TMEM229B: variants seen among roughly 807,000 people sequenced by gnomAD.
TMEM229B encodes the protein chromosome 14 open reading frame 83.
A neutral mutation model predicts 13.7 loss-of-function variants in TMEM229B; 6 were observed. The ratio of observed to expected loss-of-function variants is 0.44; its 90% confidence interval spans 0.24 to 0.86. The LOEUF (loss-of-function observed/expected upper bound fraction) is 0.86, where lower values mean the gene tolerates loss of function less well. Ranked by LOEUF, TMEM229B falls within the 40% of genes least tolerant of loss-of-function variation. TMEM229B has a pLI of 0.23. For missense variants in TMEM229B, 170 were observed against 236.0 expected (o/e 0.72, Z 1.83); for synonymous variants, 107 against 102.1 (o/e 1.05, Z -0.29).
chr14:67,508,757 A>AAAAAAAAAAAAAAAAAAAAAAC (rs1269386811), intron 1 of TMEM229B, among the ~76,000 whole-genome samples: 1 of 149,154 alleles, frequency 6.7e-6, no homozygotes, highest in African/African-American at 2.4e-5. Context: ...TTGTCTCAAA[A>AAAAAAAAAAAAAAAAAAAAAAC]AAAAAAAAAA....
intron 1 of TMEM229B, among the ~76,000 whole-genome samples, chr14:67,531,905 A>T (rs961587704): frequency 8.6e-6 from 1 of 116,526 alleles, no homozygotes; most frequent in Admixed American, 8.6e-5. Context: ...AGAAGAACCT[A>T]TGTCCAAAAA....
intron 1 of TMEM229B, among the ~76,000 whole-genome samples, chr14:67,498,257 G>A (rs1244403752): frequency 3.3e-5 from 5 of 152,086 alleles, no homozygotes; most frequent in East Asian, 3.9e-4. Context: ...TTGCCAAGAC[G>A]TTCTATAAGC....
At chr14:67,509,370 G>A (rs2032949950) in intron 1 of TMEM229B, among the ~76,000 whole-genome samples, 1 of 151,760 alleles carries the variant, frequency 6.6e-6, no homozygotes, top group Admixed American at 6.6e-5. Context: ...CCAAGCTGGA[G>A]TGCAATGGCA....
intron 2 of TMEM229B, among the ~76,000 whole-genome samples, chr14:67,475,063 A>G (rs914386381): frequency 1.3e-5 from 2 of 151,760 alleles, no homozygotes; most frequent in African/African-American, 4.9e-5. Flanking sequence ...CTACAGGCAC[A>G]CACCATCATG....
chr14:67,509,839 A>G (rs772006762), intron 1 of TMEM229B, among the ~76,000 whole-genome samples: 1 of 151,678 alleles, frequency 6.6e-6, no homozygotes, highest in East Asian at 1.9e-4. Context: ...AGTTATAAAG[A>G]CTCTGTCTCC....
rs71129826 is a variant in TMEM229B, at chr14:67,501,044, TTAATAATAATAA to T, written c.-191-13884_-191-13873del. Among the ~76,000 whole-genome samples, 1,190 of 137,362 alleles carry T rather than the reference TTAATAATAATAA, an allele frequency of 8.7e-3. 22 individuals are homozygous for T. The East Asian group carries it at 0.093, about 11-fold the overall frequency. The allele number at this position is 137,362 out of a possible 152,430, so 90.1% of individuals were successfully genotyped here. A position where few individuals can be genotyped will look rare whatever the true frequency, so the allele number is the denominator to read the frequency against. Reference sequence around the variant, plus strand: ...AAATGCCTCCAGGTATACTTGGGGGTTAATAATAATAATAATAATAATAATAATAATAATAAT... The same window carrying T: ...AAATGCCTCCAGGTATACTTGGGGGTTAATAATAATAATAATAATAATAAT... On this transcript the variant is annotated intron_variant, in intron 1 of 2. Coordinates refer to the TMEM229B transcript ENST00000357461.
intron 2 of TMEM229B, among the ~76,000 whole-genome samples, chr14:67,485,064 A>G (rs1436339600): frequency 6.6e-6 from 1 of 152,236 alleles, no homozygotes; most frequent in Non-Finnish European, 1.5e-5. Context: ...ATTACCTTTA[A>G]TGCCTGTAAT....
intron 1 of TMEM229B, among the ~76,000 whole-genome samples, chr14:67,526,778 A>C (rs2033373616): frequency 6.6e-6 from 1 of 151,922 alleles, no homozygotes; most frequent in African/African-American, 2.4e-5. Context: ...GATGGTGCTG[A>C]GAGATAGTCT....
rs183132859 is a variant in TMEM229B, at chr14:67,496,981, A to T, written c.-191-9809T>A. Among the ~76,000 whole-genome samples the T allele has an allele frequency of 4.1e-4, 62 of 152,014 alleles. No individual in the cohort carries two copies. In the East Asian group the frequency reaches 0.012, roughly 29 times the overall value. ...CCTGGCTAATTTTTGTATTTTTAGTAGAGATGGGGTTTCACCATGTTGGCC... is the reference window on the plus strand; with the variant it reads ...CCTGGCTAATTTTTGTATTTTTAGTTGAGATGGGGTTTCACCATGTTGGCC... On this transcript the variant is annotated intron_variant, in intron 1 of 2. Coordinates refer to the TMEM229B transcript ENST00000357461.
At chr14:67,476,697 C>T (rs2031221129) in intron 2 of TMEM229B, among the ~76,000 whole-genome samples, 1 of 152,158 alleles carries the variant, frequency 6.6e-6, no homozygotes, top group African/African-American at 2.4e-5. Context: ...TTATTTACCC[C>T]ATATCCCAGG....
chr14:67,520,839 A>G (rs1169857888), intron 1 of TMEM229B, among the ~76,000 whole-genome samples: 2 of 152,258 alleles, frequency 1.3e-5, no homozygotes, highest in Non-Finnish European at 2.9e-5. Context: ...CAAGGAGCAC[A>G]ATTCCTGGAT....
At chr14:67,500,165 TA>T (rs1363856083) in intron 1 of TMEM229B, among the ~76,000 whole-genome samples, 1 of 151,856 alleles carries the variant, frequency 6.6e-6, no homozygotes, top group East Asian at 1.9e-4. Context: ...CCCTGTCTCT[TA>T]AAATAAATAA....
intron 1 of TMEM229B, among the ~76,000 whole-genome samples, chr14:67,514,900 C>A (rs1594718608): frequency 6.6e-6 from 1 of 152,218 alleles, no homozygotes; most frequent in Non-Finnish European, 1.5e-5. Flanking sequence ...GATCTCGAAC[C>A]GGGGCAGCAG....
At chr14:67,520,828 C>T (rs1390611137) in intron 1 of TMEM229B, among the ~76,000 whole-genome samples, 1 of 152,214 alleles carries the variant, frequency 6.6e-6, no homozygotes, top group Non-Finnish European at 1.5e-5. Flanking sequence ...TGGGCAAATA[C>T]CAAGGAGCAC....
At chr14:67,486,603 C>T (rs2031896968) in intron 2 of TMEM229B, among the ~76,000 whole-genome samples, 1 of 152,178 alleles carries the variant, frequency 6.6e-6, no homozygotes, top group African/African-American at 2.4e-5. Context: ...GAGAGTTTCC[C>T]TGCACAAGCT....
At chr14:67,530,466 G>A (rs1020580698) in intron 1 of TMEM229B, among the ~76,000 whole-genome samples, 2 of 152,162 alleles carry the variant, frequency 1.3e-5, no homozygotes, top group Admixed American at 1.3e-4. Context: ...TATTGACTCT[G>A]TAGGAATTTA....
chr14:67,477,187 C>T lies in TMEM229B; in HGVS notation c.-18-3246G>A, dbSNP rs548005709. 1.3e-3 allele frequency among the ~76,000 whole-genome samples: 196 copies of T among 151,346 alleles called. 1 individual carries two copies. The highest frequency in any genetic ancestry group is 2.2e-3 in the Non-Finnish European group (150 of 67,870). ...ATCTCAAAAAAAAAAAAAAAATGTT[C>T]GATATCTCCTTATTTCCTAATGAAA... On this transcript the variant is annotated intron_variant, in intron 2 of 2. Transcript: ENST00000554480.
intron 2 of TMEM229B, among the ~76,000 whole-genome samples, chr14:67,475,222 C>T (rs2031109807): frequency 6.6e-6 from 1 of 152,074 alleles, no homozygotes. Flanking sequence ...GCCAGAATTT[C>T]CTTCCTTTTA....
At chr14:67,493,825 T>A (rs142747690) in intron 1 of TMEM229B, among the ~76,000 whole-genome samples, 291 of 152,320 alleles carry the variant, frequency 1.9e-3, no homozygotes, top group African/African-American at 6.5e-3. Context: ...TATAAGGATG[T>A]CAGTCTGAAA....
Sources: allele counts gnomAD v4.1 joint callset (sites outside exome capture counted in the v4.1 genomes callset), GRCh38; gene constraint gnomAD v4.1.1; transcripts MANE v1.5; gene names NCBI Gene and HGNC (gene_info 2026-07-23, HGNC 2026-07-21).